The following OPCML variants were observed in gnomAD, a reference collection of about 807,000 sequenced individuals.
The protein encoded by OPCML is opioid binding protein/cell adhesion molecule like, also known as opioid-binding protein/cell adhesion molecule.
In OPCML, 13 loss-of-function variants were observed where a neutral mutation model predicts 37.8. The observed-to-expected ratio is 0.34, with a 90% CI of 0.22 to 0.55. The LOEUF is 0.55. Among genes scored for constraint, OPCML ranks in the 20% least tolerant of loss-of-function variants. The probability of loss-of-function intolerance (pLI) is 0.91; values close to 1 mark genes in which losing one functional copy is unlikely to be tolerated. For missense variants in OPCML, 341 were observed against 435.6 expected (o/e 0.78, Z 1.93); for synonymous variants, 176 against 168.8 (o/e 1.04, Z -0.33).
intron 1 of OPCML, among the ~76,000 whole-genome samples, chr11:133,369,627 A>G (rs992024557): frequency 1.3e-5 from 2 of 152,212 alleles, no homozygotes; most frequent in Non-Finnish European, 2.9e-5. Flanking sequence ...AATACCATAC[A>G]TCATTCCACA....
At chr11:133,501,987 C>T (rs959496244) in intron 1 of OPCML, among the ~76,000 whole-genome samples, 17 of 152,064 alleles carry the variant, frequency 1.1e-4, no homozygotes, top group African/African-American at 4.1e-4. Flanking sequence ...CCGCTGCTGC[C>T]TCCTACCCAT....
intron 1 of OPCML, among the ~76,000 whole-genome samples, chr11:133,168,295 G>T (rs1415596091): frequency 6.6e-6 from 1 of 152,202 alleles, no homozygotes; most frequent in African/African-American, 2.4e-5. Context: ...CTAGCAGAAA[G>T]GTCTCTAGAA....
intron 7 of OPCML, among the ~76,000 whole-genome samples, chr11:132,425,966 G>A (rs940470220): frequency 1.3e-5 from 2 of 152,170 alleles, no homozygotes; most frequent in African/African-American, 4.8e-5. Context: ...ATATTTTCAG[G>A]GATAAATGGA....
chr11:133,373,424 AATATATATAT>A (rs57417327), intron 1 of OPCML, among the ~76,000 whole-genome samples: 8,288 of 117,744 alleles, frequency 0.07, 542 homozygotes, highest in African/African-American at 0.14. Context: ...ACTTAATTAA[AATATATATAT>A]ATATATATAT....
At chr11:133,234,956 A>G (rs995975239) in intron 1 of OPCML, among the ~76,000 whole-genome samples, 2 of 152,080 alleles carry the variant, frequency 1.3e-5, no homozygotes, top group Admixed American at 6.5e-5. Flanking sequence ...GGTACCACAC[A>G]AGGAAGATGG....
intron 1 of OPCML, among the ~76,000 whole-genome samples, chr11:133,103,797 G>A (rs942171931): frequency 6.6e-6 from 1 of 152,158 alleles, no homozygotes; most frequent in East Asian, 1.9e-4. Flanking sequence ...GCTGGTGTCT[G>A]TCCAAATGTT....
In OPCML at chr11:132,998,189, G is replaced by A. The variant is rs186171092; in HGVS notation, c.62-55179C>T. On this transcript the variant is annotated intron_variant, in intron 1 of 7. Coordinates refer to ENST00000524381, the MANE Select transcript of OPCML (RefSeq NM_001012393.5). ...GTCATTCTGTCACGGTTCCACTCAT[G>A]AGGGAGCCCATGACACCATCATGTG... Among the ~76,000 whole-genome samples the A allele has an allele frequency of 3.5e-3, 532 of 152,290 alleles. 1 individual carries two copies. The highest frequency in any genetic ancestry group is 6.0e-3 in the Non-Finnish European group (408 of 68,020).
chr11:132,876,049 A>G (rs1942997193), intron 2 of OPCML, among the ~76,000 whole-genome samples: 1 of 152,230 alleles, frequency 6.6e-6, no homozygotes, highest in African/African-American at 2.4e-5. Flanking sequence ...TATTCTGTCA[A>G]TTTAAAAAGA....
chr11:132,508,323 A>G (rs1476070209), intron 4 of OPCML, among the ~76,000 whole-genome samples: 1 of 152,252 alleles, frequency 6.6e-6, no homozygotes, highest in Middle Eastern at 3.2e-3. Flanking sequence ...CAAAATATTG[A>G]CAAAGTTAAT....
At chr11:133,429,093 G>A (rs898946321) in intron 1 of OPCML, among the ~76,000 whole-genome samples, 72 of 152,284 alleles carry the variant, frequency 4.7e-4, no homozygotes, top group African/African-American at 1.4e-3. Flanking sequence ...TGGAAGGAGT[G>A]GGGGAAGAAT....
chr11:132,975,794 G>C (rs1397528331), intron 1 of OPCML, among the ~76,000 whole-genome samples: 1 of 151,766 alleles, frequency 6.6e-6, no homozygotes, highest in Non-Finnish European at 1.5e-5. Flanking sequence ...GTTTTGAGAT[G>C]GAGTCTCGCT....
intron 2 of OPCML, among the ~76,000 whole-genome samples, chr11:132,770,839 A>G (rs1256553014): frequency 6.6e-6 from 1 of 152,156 alleles, no homozygotes; most frequent in Non-Finnish European, 1.5e-5. Flanking sequence ...GGGCCCAGTG[A>G]CTGACGCAAT....
intron 2 of OPCML, among the ~76,000 whole-genome samples, chr11:132,843,346 G>T (rs544563405): frequency 6.6e-6 from 1 of 151,910 alleles, no homozygotes; most frequent in Non-Finnish European, 1.5e-5. Context: ...TGATCCACCC[G>T]CCTTGGCCTC....
intron 3 of OPCML, among the ~76,000 whole-genome samples, chr11:132,589,795 G>A (rs755191977): frequency 2.0e-5 from 3 of 152,204 alleles, no homozygotes; most frequent in Non-Finnish European, 4.4e-5. Context: ...AATTGGAAAG[G>A]AAGTCTCTTT....
chr11:133,049,894 C>T (rs1261070145), intron 1 of OPCML, among the ~76,000 whole-genome samples: 1 of 152,238 alleles, frequency 6.6e-6, no homozygotes, highest in Non-Finnish European at 1.5e-5. Context: ...CAGTAGCTGC[C>T]TCTCTAGCAT....
At chr11:132,817,058 A>G (rs781473502) in intron 2 of OPCML, 3 of 152,350 alleles carry the variant, frequency 2.0e-5, no homozygotes, top group Non-Finnish European at 2.9e-5. Flanking sequence ...AGCGGCAACA[A>G]TGATGGCTCA....
intron 1 of OPCML, among the ~76,000 whole-genome samples, chr11:133,218,799 G>C (rs556305708): frequency 6.6e-6 from 1 of 152,260 alleles, no homozygotes; most frequent in South Asian, 2.1e-4. Context: ...AGAGGTCTCA[G>C]AGGTCTTTGG....
intron 2 of OPCML, among the ~76,000 whole-genome samples, chr11:132,775,694 G>A (rs1296668977): frequency 6.6e-6 from 1 of 152,092 alleles, no homozygotes; most frequent in Non-Finnish European, 1.5e-5. Flanking sequence ...AAGTACCTCG[G>A]GTGCCTGGCC....
At chr11:132,480,876 A>T (rs561554009) in intron 4 of OPCML, among the ~76,000 whole-genome samples, 1 of 152,256 alleles carries the variant, frequency 6.6e-6, no homozygotes, top group African/African-American at 2.4e-5. Context: ...GAAGCGCTAA[A>T]CATGGAAAGG....
Sources: allele counts gnomAD v4.1 joint callset (sites outside exome capture counted in the v4.1 genomes callset), GRCh38; gene constraint gnomAD v4.1.1; transcripts MANE v1.5; gene names NCBI Gene and HGNC (gene_info 2026-07-23, HGNC 2026-07-21).